Variants in CKAP5 observed in about 807,000 individuals in gnomAD.
CKAP5 encodes cytoskeleton-associated protein 5.
CKAP5 carries 27 observed loss-of-function variants against 232.8 expected under a neutral mutation model. The observed-to-expected ratio is 0.12, with a 90% CI of 0.09 to 0.16. The LOEUF is 0.16. CKAP5 is among the 10% of genes least tolerant of loss of function. CKAP5 has a pLI of 1.00. For synonymous variants in CKAP5, 785 were observed against 841.1 expected (o/e 0.93, Z 1.16); for missense variants, 1,838 against 2,424.7 (o/e 0.76, Z 5.08).
intron 13 of CKAP5, 47 bp from the exon 14 acceptor site, chr11:46,790,630 A>G: frequency 7.7e-7 from 1 of 1,293,022 alleles, no homozygotes; most frequent in Non-Finnish European, 1.1e-6. Context: ...AAGGATTTAA[A>G]ATAGTGGAGT....
chr11:46,750,264 G>GA lies in CKAP5; in HGVS notation c.5704+9dup. The GA allele has an allele frequency of 6.2e-7, 1 of 1,611,516 alleles. No homozygotes were observed. The highest frequency in any genetic ancestry group is 8.5e-7 in the Non-Finnish European group (1 of 1,179,314). Reference sequence around the variant, plus strand: ...GAGCTTATTCCTGGAGCTATAACAGGAAACCATACCTGTTGAAGTGGAAAT... The same window carrying GA: ...GAGCTTATTCCTGGAGCTATAACAGGAAAACCATACCTGTTGAAGTGGAAAT... On this transcript the variant is annotated intron_variant, in intron 42 of 43. Coordinates refer to ENST00000529230, the MANE Select transcript of CKAP5 (RefSeq NM_001008938.4).
chr11:46,794,845 T>C (rs1488697241), intron 13 of CKAP5, among the ~76,000 whole-genome samples: 2 of 151,842 alleles, frequency 1.3e-5, no homozygotes, highest in Admixed American at 6.6e-5. Flanking sequence ...CTAAAAAATA[T>C]AGAAAATAAA....
intron 1 of CKAP5, among the ~76,000 whole-genome samples, chr11:46,845,738 C>T (rs1166129485): frequency 6.6e-6 from 1 of 152,240 alleles, no homozygotes; most frequent in African/African-American, 2.4e-5. Context: ...AGCAGGGACA[C>T]AGGTGTGCGG....
intron 3 of CKAP5, 60 bp from the exon 4 acceptor site, chr11:46,816,464 A>G: frequency 7.5e-7 from 1 of 1,341,610 alleles, no homozygotes. Flanking sequence ...GAAAAAGGTC[A>G]CGGAAAGGGG....
rs751971869 is a variant in CKAP5 at position 46,818,456 on chromosome 11, G to A, written c.105C>T (p.Phe35=). The change falls in exon 3 of 44, where the codon TTC becomes TTT. Residue 35 remains phenylalanine (F), a synonymous_variant. Coordinates refer to ENST00000529230, the MANE Select transcript of CKAP5 (RefSeq NM_001008938.4). ...GGCTCTTTTCATCCTTTATTTTCTG[G>A]AAGATCTTCAGGGCCTCTTCATACC... ...LSGYEEALKI[F]QKIKDEKSPE... is the part of the protein sequence containing the mutation. 5.6e-6 allele frequency: 9 copies of A among 1,606,234 alleles called. No homozygotes were observed. The highest frequency in any genetic ancestry group is 1.3e-5 in the African/African-American group (1 of 74,276).
chr11:46,827,345 C>T (rs767183421), intron 1 of CKAP5, among the ~76,000 whole-genome samples: 2 of 152,130 alleles, frequency 1.3e-5, no homozygotes, highest in African/African-American at 2.4e-5. Flanking sequence ...CACCTTTTCA[C>T]GGAATTCGTT....
intron 28 of CKAP5, 70 bp downstream of exon 28, chr11:46,765,061 C>A (rs771546642): frequency 7.0e-7 from 1 of 1,432,368 alleles, no homozygotes; most frequent in Non-Finnish European, 9.5e-7. Flanking sequence ...AACATGAATT[C>A]AGACAGCAAA....
intron 18 of CKAP5, among the ~76,000 whole-genome samples, chr11:46,781,122 T>G (rs2134624178): frequency 6.6e-6 from 1 of 152,314 alleles, no homozygotes; most frequent in Middle Eastern, 3.4e-3. Flanking sequence ...AACTCCTGAT[T>G]GTCCTCACTC....
chr11:46,804,296 T>C (rs1218175022), intron 8 of CKAP5, among the ~76,000 whole-genome samples: 1 of 152,238 alleles, frequency 6.6e-6, no homozygotes, highest in African/African-American at 2.4e-5. Flanking sequence ...TCATTGACAC[T>C]CATTGTTTAT....
chr11:46,753,290 G>C lies in CKAP5; in HGVS notation c.5057+20C>G. Reference sequence around the variant, plus strand: ...AAGCGAGGATGCCCCAGGCTCTATTGGCTGAGAGTACAGATATACCTCAGG... The same window carrying C: ...AAGCGAGGATGCCCCAGGCTCTATTCGCTGAGAGTACAGATATACCTCAGG... On this transcript the variant is annotated intron_variant, in intron 37 of 43. Coordinates refer to ENST00000529230, the MANE Select transcript of CKAP5 (RefSeq NM_001008938.4). 4 of 1,571,852 alleles carry C rather than the reference G, an allele frequency of 2.5e-6. No homozygotes were observed. The highest frequency in any genetic ancestry group is 3.4e-6 in the Non-Finnish European group (4 of 1,161,746).
intron 38 of CKAP5, among the ~76,000 whole-genome samples, chr11:46,751,858 C>T (rs1304233391): frequency 2.0e-5 from 3 of 151,936 alleles, no homozygotes; most frequent in African/African-American, 7.3e-5. Flanking sequence ...GTTCATGTTG[C>T]TTAACCAAAT....
chr11:46,779,227 G>T (rs925724160), intron 20 of CKAP5, among the ~76,000 whole-genome samples: 3 of 150,780 alleles, frequency 2.0e-5, no homozygotes, highest in African/African-American at 7.3e-5. Context: ...TATGCCTCCC[G>T]GGTTGAAGTG....
chr11:46,822,741 C>CCAAAAAAA (rs1939566354), intron 1 of CKAP5, among the ~76,000 whole-genome samples: 1 of 77,852 alleles, frequency 1.3e-5, no homozygotes, highest in African/African-American at 5.0e-5. Context: ...GACTCCGTCC[C>CCAAAAAAA]AAAAAAAAAA....
At chr11:46,821,421 CT>C (rs369366613) in intron 1 of CKAP5, among the ~76,000 whole-genome samples, 153 bp from the exon 2 acceptor site, 5 of 105,200 alleles carry the variant, frequency 4.8e-5, no homozygotes, top group South Asian at 3.0e-4. Context: ...ATTAACAGGA[CT>C]TTTTTTTTTT....
intron 9 of CKAP5, among the ~76,000 whole-genome samples, chr11:46,798,454 C>A (rs1938945709): frequency 6.6e-6 from 1 of 151,744 alleles, no homozygotes; most frequent in African/African-American, 2.4e-5. Flanking sequence ...GTGGTATGTG[C>A]CTATGATCCC....
At chr11:46,816,944 TA>T (rs1466029209) in intron 3 of CKAP5, among the ~76,000 whole-genome samples, 1 of 151,884 alleles carries the variant, frequency 6.6e-6, no homozygotes, top group Non-Finnish European at 1.5e-5. Flanking sequence ...TCATCTCTAC[TA>T]AAAATACAAA....
intron 9 of CKAP5, among the ~76,000 whole-genome samples, chr11:46,798,589 A>T (rs1938949838): frequency 6.6e-6 from 1 of 152,068 alleles, no homozygotes; most frequent in Admixed American, 6.6e-5. Context: ...TCCAAAAAAA[A>T]AAAAAAAGCA....
chr11:46,744,601 A>T, intron 42 of CKAP5, 24 bp from the exon 43 acceptor site: 1 of 1,608,214 alleles, frequency 6.2e-7, no homozygotes, highest in Non-Finnish European at 8.5e-7. Flanking sequence ...AGTAGAAAGA[A>T]TATTCAGATA....
chr11:46,776,514 T>A, intron 23 of CKAP5, 131 bp from the exon 24 acceptor site: 1 of 588,640 alleles, frequency 1.7e-6, no homozygotes, highest in South Asian at 4.8e-5. Flanking sequence ...TGAAACCATC[T>A]TCTCTGAAAC....
Sources: gnomAD v4.1 joint callset for allele counts (sites outside exome capture counted in the v4.1 genomes callset) on GRCh38, gnomAD v4.1.1 for gene constraint, MANE v1.5 for transcripts, NCBI Gene and HGNC (gene_info 2026-07-23, HGNC 2026-07-21) for gene names.